The following FGGY variants were observed in gnomAD, a reference collection of about 807,000 sequenced individuals.
The protein encoded by FGGY is FGGY carbohydrate kinase domain-containing protein.
Under a neutral mutation model 71.3 loss-of-function variants are expected in FGGY, and 72 were observed. The observed-to-expected ratio is 1.01, with a 90% CI of 0.84 to 1.23. The LOEUF is 1.23. Ranked by LOEUF, FGGY falls within the 50% of genes most tolerant of loss-of-function variation. FGGY has a pLI of 0.00. For synonymous variants in FGGY, 251 were observed against 250.3 expected, an observed-to-expected ratio of 1.00 and a Z score of -0.02; for missense variants, 668 against 682.3, an observed-to-expected ratio of 0.98 and a Z score of 0.23.
chr1:59,537,230 G>C (rs2095342057), intron 7 of FGGY, among the ~76,000 whole-genome samples: 2 of 151,744 alleles, frequency 1.3e-5, no homozygotes, highest in Admixed American at 6.6e-5. Context: ...CAAATCATGA[G>C]TGAACTCCCA....
chr1:59,566,802 A>AT (rs2095879310), intron 8 of FGGY, among the ~76,000 whole-genome samples: 1 of 137,286 alleles, frequency 7.3e-6, no homozygotes, highest in Non-Finnish European at 1.5e-5. Context: ...TAATTTACAT[A>AT]CCATGAAATT....
chr1:59,527,104 T>C (rs1252362775), intron 7 of FGGY, among the ~76,000 whole-genome samples: 1 of 152,236 alleles, frequency 6.6e-6, no homozygotes, highest in Non-Finnish European at 1.5e-5. Context: ...GTGAAAAATA[T>C]CTGGAATATT....
At chr1:59,664,070 C>A (rs1425522454) in intron 12 of FGGY, among the ~76,000 whole-genome samples, 1 of 152,142 alleles carries the variant, frequency 6.6e-6, no homozygotes, top group Non-Finnish European at 1.5e-5. Flanking sequence ...TGTCAACCAC[C>A]CGGTTTATCC....
chr1:59,430,879 C>A (rs554934975), intron 5 of FGGY, among the ~76,000 whole-genome samples: 5 of 152,340 alleles, frequency 3.3e-5, no homozygotes, highest in Middle Eastern at 6.8e-3. Context: ...GTAGCCCTAC[C>A]TGCTGACCCA....
At chr1:59,514,004 A>C (rs977111568) in intron 7 of FGGY, among the ~76,000 whole-genome samples, 2 of 152,238 alleles carry the variant, frequency 1.3e-5, no homozygotes, top group Non-Finnish European at 2.9e-5. Context: ...AATGCTATGT[A>C]ACGTAGTTCT....
chr1:59,357,859 C>G, intron 4 of FGGY, among the ~76,000 whole-genome samples: 1 of 152,238 alleles, frequency 6.6e-6, no homozygotes, highest in East Asian at 1.9e-4. Flanking sequence ...GCCAGTCTTC[C>G]TGACGGCTGT....
chr1:59,383,872 C>T (rs1012961219), intron 5 of FGGY, among the ~76,000 whole-genome samples: 1 of 152,122 alleles, frequency 6.6e-6, no homozygotes, highest in South Asian at 2.1e-4. Context: ...TCTCGTGTCT[C>T]CCTAAAATGT....
chr1:59,596,461 CAA>C (rs751001525), intron 8 of FGGY, among the ~76,000 whole-genome samples: 14 of 126,496 alleles, frequency 1.1e-4, no homozygotes, highest in Admixed American at 1.6e-4. Flanking sequence ...TTTTTTTCTC[CAA>C]AAAAAAAAAA....
chr1:59,739,279 T>C (rs1223071200), intron 14 of FGGY, among the ~76,000 whole-genome samples: 1 of 152,238 alleles, frequency 6.6e-6, no homozygotes, highest in Non-Finnish European at 1.5e-5. Flanking sequence ...TCCTTGCCTC[T>C]AACCTGACAG....
At chr1:59,516,289 A>T (rs1353007911) in intron 7 of FGGY, among the ~76,000 whole-genome samples, 2 of 152,214 alleles carry the variant, frequency 1.3e-5, no homozygotes, top group African/African-American at 4.8e-5. Context: ...CTCTATATTA[A>T]CTAAATATAA....
chr1:59,611,366 C>T lies in FGGY; in HGVS notation c.1011+3456C>T, dbSNP rs550655688. Among the ~76,000 whole-genome samples the T allele has an allele frequency of 2.0e-5, 3 of 152,290 alleles. No individual in the cohort carries two copies. The South Asian group carries it at 6.2e-4, about 32-fold the overall frequency. On this transcript the variant is annotated intron_variant, in intron 9 of 15. Transcript: ENST00000303721. ...CATTTCTGCAATATTTGCTGTTCTG[C>T]AGCCTCCACTGGTGATACTCAGGGT...
In FGGY at chr1:59,743,167, A is replaced by T. The variant is rs192841861; in HGVS notation, c.1513-14764A>T. On this transcript the variant is annotated intron_variant, in intron 14 of 15. Transcript: ENST00000303721. ...CATCTTGGACTTCTTTAGGTCCTTT[A>T]AATGTATCATGTTGTCTTTACTTAA... 5.9e-5 allele frequency among the ~76,000 whole-genome samples: 9 copies of T among 152,226 alleles called. No individual in the cohort carries two copies. In the East Asian group the frequency reaches 1.7e-3, roughly 29 times the overall value.
In FGGY at chr1:59,641,942, G is replaced by GT. The variant is rs1369340649; in HGVS notation, c.1221+3573dup. The stretch of plus-strand genomic sequence containing the variant: ...CCTCTACTTTACTGCTAATGGTTGG[G>GT]TTTTTTGTTTTCTTTTTGGAAAGCA... On this transcript the variant is annotated intron_variant, in intron 11 of 15. Coordinates refer to ENST00000303721, the MANE Select transcript of FGGY (RefSeq NM_018291.5). 2.6e-5 allele frequency among the ~76,000 whole-genome samples: 4 copies of GT among 152,180 alleles called. No homozygotes were observed. In the East Asian group the frequency reaches 5.8e-4, roughly 22 times the overall value.
At chr1:59,468,965 A>G (rs1041715617) in intron 6 of FGGY, among the ~76,000 whole-genome samples, 3 of 152,008 alleles carry the variant, frequency 2.0e-5, no homozygotes, top group African/African-American at 7.2e-5. Context: ...GAGCCACCTC[A>G]GGCAAGGGTG....
intron 8 of FGGY, among the ~76,000 whole-genome samples, chr1:59,578,091 A>G (rs1011461601): frequency 7.2e-5 from 11 of 152,166 alleles, no homozygotes; most frequent in Non-Finnish European, 1.2e-4. Flanking sequence ...AAGACTAAGG[A>G]AAGAGGCTGA....
Position 59,401,524 on chromosome 1 carries a change from C to T in FGGY, c.554+22687C>T, listed in dbSNP as rs140409468. 1.7e-3 allele frequency among the ~76,000 whole-genome samples: 256 copies of T among 152,270 alleles called. 3 individuals carry two copies. The highest frequency in any genetic ancestry group is 5.1e-3 in the African/African-American group (213 of 41,534). ...TAGTGATTTTGGTGAACATTGTTGC[C>T]ATGTTAAACTTGAGTATATTTCTTG... On this transcript the variant is annotated intron_variant, in intron 5 of 15. Coordinates refer to ENST00000303721, the MANE Select transcript of FGGY (RefSeq NM_018291.5).
chr1:59,752,962 G>T (rs1339927782), intron 14 of FGGY, among the ~76,000 whole-genome samples: 1 of 152,188 alleles, frequency 6.6e-6, no homozygotes, highest in East Asian at 1.9e-4. Context: ...AGAAAGAAAA[G>T]AAGTGATTAA....
intron 14 of FGGY, among the ~76,000 whole-genome samples, chr1:59,704,009 C>G (rs1230123004): frequency 1.3e-5 from 2 of 152,098 alleles, no homozygotes; most frequent in Non-Finnish European, 2.9e-5. Context: ...ATCAAGATGA[C>G]AAGAATCACT....
chr1:59,535,840 G>T (rs536597396), intron 7 of FGGY, among the ~76,000 whole-genome samples: 1 of 148,840 alleles, frequency 6.7e-6, no homozygotes, highest in South Asian at 2.3e-4. Context: ...GCAGTGTGTA[G>T]AGGGAAATTT....
Sources: gnomAD v4.1 joint callset for allele counts (sites outside exome capture counted in the v4.1 genomes callset) on GRCh38, gnomAD v4.1.1 for gene constraint, MANE v1.5 for transcripts, NCBI Gene and HGNC (gene_info 2026-07-23, HGNC 2026-07-21) for gene names.